The following SEMA3A variants were observed in gnomAD, a reference collection of about 807,000 sequenced individuals.
SEMA3A encodes the protein semaphorin-3A.
In SEMA3A, 29 loss-of-function variants were observed where a neutral mutation model predicts 97.9. That is an observed-to-expected ratio of 0.30 (90% CI 0.22 to 0.40). SEMA3A has a LOEUF of 0.40. SEMA3A is among the 10% of genes least tolerant of loss of function. The probability of loss-of-function intolerance (pLI) is 1.00; values close to 1 mark genes in which losing one functional copy is unlikely to be tolerated. For synonymous variants in SEMA3A, 321 were observed against 323.7 expected (o/e 0.99, Z 0.09); for missense variants, 763 against 951.3 (o/e 0.80, Z 2.60).
At chr7:84,330,093 A>T (rs935982724) in intron 2 of SEMA3A, among the ~76,000 whole-genome samples, 1 of 152,112 alleles carries the variant, frequency 6.6e-6, no homozygotes, top group Non-Finnish European at 1.5e-5. Context: ...AACCAATAAC[A>T]TAAGTAAAAT....
At chr7:84,260,164 C>T (rs1197448905) in intron 3 of SEMA3A, among the ~76,000 whole-genome samples, 3 of 152,106 alleles carry the variant, frequency 2.0e-5, no homozygotes, top group East Asian at 1.9e-4. Context: ...ATCATTTAAG[C>T]GTGGTATATC....
chr7:84,020,892 C>A (rs1051299238), intron 6 of SEMA3A, among the ~76,000 whole-genome samples: 3 of 152,140 alleles, frequency 2.0e-5, no homozygotes, highest in African/African-American at 7.2e-5. Flanking sequence ...AATATGAATG[C>A]ATTTATACAA....
At chr7:84,163,169 T>G (rs1797094248) in intron 1 of SEMA3A, among the ~76,000 whole-genome samples, 1 of 152,170 alleles carries the variant, frequency 6.6e-6, no homozygotes, top group Non-Finnish European at 1.5e-5. Flanking sequence ...AAAATTTGAT[T>G]TAAAATTGTC....
chr7:84,241,295 A>T, intron 3 of SEMA3A, among the ~76,000 whole-genome samples: 1 of 152,122 alleles, frequency 6.6e-6, no homozygotes, highest in East Asian at 1.9e-4. Context: ...AATAATCACC[A>T]TTCTAACGGC....
chr7:84,363,242 C>T (rs1802767552), intron 2 of SEMA3A, among the ~76,000 whole-genome samples: 1 of 151,788 alleles, frequency 6.6e-6, no homozygotes, highest in African/African-American at 2.4e-5. Flanking sequence ...GACCTAATTC[C>T]AAACCAACAA....
intron 2 of SEMA3A, among the ~76,000 whole-genome samples, chr7:84,132,142 T>C (rs1240399285): frequency 6.6e-6 from 1 of 152,142 alleles, no homozygotes; most frequent in Non-Finnish European, 1.5e-5. Context: ...ATTGGGTTCA[T>C]TTGTATAAAC....
chr7:84,111,729 T>A (rs1795281011), intron 3 of SEMA3A, among the ~76,000 whole-genome samples: 1 of 152,154 alleles, frequency 6.6e-6, no homozygotes, highest in African/African-American at 2.4e-5. Context: ...AAAATAAACA[T>A]AATTTCTTCC....
intron 1 of SEMA3A, among the ~76,000 whole-genome samples, chr7:84,404,958 C>A (rs1443796760): frequency 3.3e-5 from 5 of 152,150 alleles, no homozygotes; most frequent in Non-Finnish European, 7.3e-5. Flanking sequence ...TTGTAAAGAC[C>A]ATCAAGGCTA....
chr7:84,447,907 C>T (rs1188625192), intron 1 of SEMA3A, among the ~76,000 whole-genome samples: 2 of 152,200 alleles, frequency 1.3e-5, no homozygotes, highest in South Asian at 2.1e-4. Context: ...CACCGCATTC[C>T]GCTAGCTCAG....
intron 4 of SEMA3A, among the ~76,000 whole-genome samples, chr7:84,080,393 A>T (rs1794113668): frequency 6.6e-6 from 1 of 152,026 alleles, no homozygotes; most frequent in Non-Finnish European, 1.5e-5. Context: ...AAAAATAAAA[A>T]ATTATACCGT....
intron 1 of SEMA3A, among the ~76,000 whole-genome samples, chr7:84,398,327 G>C (rs1473807806): frequency 6.6e-6 from 1 of 152,040 alleles, no homozygotes; most frequent in Non-Finnish European, 1.5e-5. Flanking sequence ...ATAAATGTCT[G>C]GTGCTTTTTC....
intron 1 of SEMA3A, among the ~76,000 whole-genome samples, chr7:84,444,836 A>G (rs1805367621): frequency 6.6e-6 from 1 of 152,126 alleles, no homozygotes; most frequent in Admixed American, 6.5e-5. Flanking sequence ...CTGGGATTAC[A>G]GGTGTGAGTA....
intron 4 of SEMA3A, among the ~76,000 whole-genome samples, chr7:84,063,058 G>T (rs1278089161): frequency 5.3e-5 from 8 of 151,818 alleles, no homozygotes; most frequent in Non-Finnish European, 1.2e-4. Context: ...CTCCCAGCAC[G>T]CCGCTGGAGA....
At chr7:84,085,380 A>C (rs1805227173) in intron 4 of SEMA3A, among the ~76,000 whole-genome samples, 1 of 152,078 alleles carries the variant, frequency 6.6e-6, no homozygotes, top group Non-Finnish European at 1.5e-5. Flanking sequence ...CTGACCATAA[A>C]ATCGTAGACA....
intron 6 of SEMA3A, among the ~76,000 whole-genome samples, chr7:84,034,650 C>T (rs1791877493): frequency 6.6e-6 from 1 of 152,162 alleles, no homozygotes; most frequent in Non-Finnish European, 1.5e-5. Flanking sequence ...TTCAAATACT[C>T]AGTGTAATAA....
intron 1 of SEMA3A, among the ~76,000 whole-genome samples, chr7:84,456,183 T>C (rs886809210): frequency 2.6e-5 from 4 of 151,800 alleles, no homozygotes; most frequent in Admixed American, 2.0e-4. Context: ...AAAAAGAAAA[T>C]ATCCTCCTTT....
Position 83,958,514 on chromosome 7 carries a change from G to A in SEMA3A, c.*2857C>T, listed in dbSNP as rs1212987171. On this transcript the variant is annotated 3_prime_UTR_variant, in exon 17 of 17. Transcript: ENST00000265362. ...CTGGCAAAAAACATGCTTATTGAAC[G>A]GGCACGCACCTTCCGCCCTTAAATA... 1 of 152,350 alleles carries A rather than the reference G, an allele frequency of 6.6e-6. No individual in the cohort carries two copies. Among genetic ancestry groups the A allele is most frequent in the Non-Finnish European group, 1.5e-5 (1 of 67,932 alleles). 9.4% of individuals were successfully genotyped at this position (152,350 alleles called of 1,614,324 possible). A position where few individuals can be genotyped will look rare whatever the true frequency, so the allele number is the denominator to read the frequency against.
chr7:84,394,752 C>CAGCA (rs1434793296), intron 1 of SEMA3A, among the ~76,000 whole-genome samples: 1 of 151,984 alleles, frequency 6.6e-6, no homozygotes, highest in Non-Finnish European at 1.5e-5. Context: ...TTTTCATTGC[C>CAGCA]AGCAATTAGT....
intron 3 of SEMA3A, among the ~76,000 whole-genome samples, chr7:84,211,287 G>A (rs760480760): frequency 6.6e-6 from 1 of 152,038 alleles, no homozygotes; most frequent in Non-Finnish European, 1.5e-5. Context: ...GAAAGGTTGC[G>A]TAAAGAGGAG....
Sources: gnomAD v4.1 joint callset for allele counts (sites outside exome capture counted in the v4.1 genomes callset) on GRCh38, gnomAD v4.1.1 for gene constraint, MANE v1.5 for transcripts, NCBI Gene and HGNC (gene_info 2026-07-23, HGNC 2026-07-21) for gene names.